CFAP251: variants seen among roughly 807,000 people sequenced by gnomAD.
The protein encoded by CFAP251 is cilia and flagella associated protein 251.
Under a neutral mutation model 126.7 loss-of-function variants are expected in CFAP251, and 93 were observed. The observed-to-expected ratio is 0.73, with a 90% CI of 0.62 to 0.87. The LOEUF (loss-of-function observed/expected upper bound fraction) is 0.87, where lower values mean the gene tolerates loss of function less well. CFAP251 is among the 40% of genes least tolerant of loss of function. The pLI is 0.00. For missense variants in CFAP251, 1,287 were observed against 1,389.2 expected (o/e 0.93, Z 1.17); for synonymous variants, 503 against 506.9 (o/e 0.99, Z 0.10).
chr12:121,966,079 C>G (rs145515405), intron 15 of CFAP251, among the ~76,000 whole-genome samples: 2 of 151,082 alleles, frequency 1.3e-5, no homozygotes, highest in Non-Finnish European at 3.0e-5. Flanking sequence ...TGAGCCACTG[C>G]GTTCTGCCCA....
chr12:121,964,965 G>C (rs2177330), intron 15 of CFAP251, among the ~76,000 whole-genome samples: 8,635 of 152,226 alleles, frequency 0.057, 480 homozygotes, highest in East Asian at 0.22. Context: ...AGTACTCATG[G>C]TGCTGTGCAA....
intron 10 of CFAP251, among the ~76,000 whole-genome samples, chr12:121,954,636 T>TAAAAAAAAAAAAAAAAAAAAA (rs1174239421): frequency 2.4e-5 from 1 of 41,980 alleles, no homozygotes. Context: ...CCTCCTGTCT[T>TAAAAAAAAAAAAAAAAAAAAA]AAAAAAAAAA....
chr12:121,935,610 G>A (rs555659756), intron 5 of CFAP251, among the ~76,000 whole-genome samples: 13 of 152,306 alleles, frequency 8.5e-5, no homozygotes, highest in Admixed American at 8.5e-4. Context: ...CTATTGCACT[G>A]TGTCTGATGG....
At chr12:121,928,669 CGT>C (rs1491461348) in intron 3 of CFAP251, among the ~76,000 whole-genome samples, 2 of 15,760 alleles carry the variant, frequency 1.3e-4, no homozygotes, top group Non-Finnish European at 3.0e-4. Flanking sequence ...TATATATATA[CGT>C]ATATATATAT....
intron 19 of CFAP251, among the ~76,000 whole-genome samples, chr12:121,984,307 A>G (rs1882695527): frequency 6.6e-6 from 1 of 151,918 alleles, no homozygotes; most frequent in South Asian, 2.1e-4. Context: ...TTATTTATTT[A>G]TTTATTTATT....
rs1402280661 is a variant in CFAP251 at position 121,928,702 on chromosome 12, A to T, written c.748-3044A>T. On this transcript the variant is annotated intron_variant, in intron 3 of 21. Transcript: ENST00000288912. Reference sequence around the variant, plus strand: ...TATATATATATACGTATATATATATATATTTTTTTTTTGAGACAGGGTCTT... The same window carrying T: ...TATATATATATACGTATATATATATTTATTTTTTTTTTGAGACAGGGTCTT... 9.4e-3 allele frequency among the ~76,000 whole-genome samples: 513 copies of T among 54,298 alleles called. 15 individuals carry two copies. The highest frequency in any genetic ancestry group is 0.022 in the African/African-American group (460 of 20,790). The allele number at this position is 54,298 out of a possible 152,430, so 35.6% of individuals were successfully genotyped here. A position where few individuals can be genotyped will look rare whatever the true frequency, so the allele number is the denominator to read the frequency against.
chr12:121,940,501 G>A (rs183485121), intron 5 of CFAP251, among the ~76,000 whole-genome samples: 2 of 152,254 alleles, frequency 1.3e-5, no homozygotes, highest in East Asian at 3.9e-4. Flanking sequence ...GCTGAGGCCT[G>A]TTTATCTTCA....
In CFAP251 at chr12:121,934,264, C is replaced by T; in HGVS notation, c.906C>T (p.Ile302=). 6.2e-7 allele frequency: 1 copy of T among 1,613,938 alleles called. No homozygotes were observed. The highest frequency in any genetic ancestry group is 8.5e-7 in the Non-Finnish European group (1 of 1,179,934). Residue 302 remains isoleucine (I), a synonymous_variant, in exon 5 of 22, where the codon ATC becomes ATT. Coordinates refer to ENST00000288912, the MANE Select transcript of CFAP251 (RefSeq NM_144668.6). ...QYHLQGHANI[I]SCLCVSEDRR... ...TTCCATAGGGCCACGCCAATATTAT[C>T]TCCTGCCTCTGCGTCAGTGAAGACA...
intron 19 of CFAP251, 25 bp downstream of exon 19, chr12:121,975,710 G>A: frequency 6.5e-7 from 1 of 1,542,914 alleles, no homozygotes; most frequent in Non-Finnish European, 8.7e-7. Context: ...AACAAGAGCA[G>A]CAACGGGATG....
At chr12:121,967,638 T>C (rs914663580) in intron 16 of CFAP251, among the ~76,000 whole-genome samples, 6 of 151,804 alleles carry the variant, frequency 4.0e-5, no homozygotes, top group Non-Finnish European at 7.4e-5. Context: ...GGAGGCGGAG[T>C]TTGCAGTAAG....
chr12:121,953,874 C>T (rs568918038), intron 9 of CFAP251: 26 of 465,430 alleles, frequency 5.6e-5, no homozygotes, highest in African/African-American at 2.9e-4. Context: ...ACCACTCTCT[C>T]GTTTGCTTTA....
chr12:121,956,130 C>T (rs900149897), intron 10 of CFAP251, among the ~76,000 whole-genome samples: 8 of 152,136 alleles, frequency 5.3e-5, no homozygotes, highest in African/African-American at 1.9e-4. Flanking sequence ...AAATGAAAGC[C>T]ATTTTGTCAC....
At position 121,957,249 on chromosome 12, in the gene CFAP251, G is replaced by A; in HGVS notation, c.1711G>A (p.Gly571Ser). 1 of 1,610,196 alleles carries A rather than the reference G, an allele frequency of 6.2e-7. No individual in the cohort carries two copies. The highest frequency in any genetic ancestry group is 1.1e-5 in the South Asian group (1 of 90,266). ...SNYPPDCTLK[G>S]DLFVLRNFII... ...CTATCCTCCTGACTGCACTTTAAAA[G>A]GTGACCTTTTTGTCTTAAGGTAAGT... The change falls in exon 11 of 22, where the codon GGT (glycine) becomes AGT (serine). Residue 571 changes from glycine (G) to serine (S), a missense_variant. By Grantham distance (56) the Gly-to-Ser change is moderately conservative. Coordinates refer to ENST00000288912, the MANE Select transcript of CFAP251 (RefSeq NM_144668.6).
intron 5 of CFAP251, among the ~76,000 whole-genome samples, chr12:121,938,852 T>A (rs1023560853): frequency 6.6e-6 from 1 of 151,430 alleles, no homozygotes; most frequent in Non-Finnish European, 1.5e-5. Flanking sequence ...TAGTCGGGCA[T>A]AATGGTGCAC....
chr12:121,939,651 T>C (rs1344032171), intron 5 of CFAP251, among the ~76,000 whole-genome samples: 1 of 152,214 alleles, frequency 6.6e-6, no homozygotes, highest in Non-Finnish European at 1.5e-5. Context: ...ATGCAAATGC[T>C]ATGTTAATAT....
intron 7 of CFAP251, 59 bp from the exon 8 acceptor site, chr12:121,948,925 T>G: frequency 1.0e-6 from 1 of 1,003,468 alleles, no homozygotes; most frequent in South Asian, 1.6e-5. Flanking sequence ...ATTTTAACAT[T>G]CAGCTTAACC....
intron 5 of CFAP251, among the ~76,000 whole-genome samples, chr12:121,941,024 T>C (rs1390818954): frequency 1.3e-5 from 2 of 152,168 alleles, no homozygotes; most frequent in African/African-American, 4.8e-5. Flanking sequence ...TTCTATTTTT[T>C]ATTTTTATGT....
Position 121,957,196 on chromosome 12 carries a change from C to A in CFAP251, c.1658C>A (p.Pro553Gln), listed in dbSNP as rs1881755603. 1 of 1,613,914 alleles carries A rather than the reference C, an allele frequency of 6.2e-7. No individual in the cohort carries two copies. ...AGAACTCTGTCCTTTTCAAAGACCC[C>A]AGCAACTCCTCCTACTGAAAAATCA... ...AIRTLSFSKT[P>Q]ATPPTEKSNY... Residue 553 changes from proline to glutamine, a missense_variant, in exon 11 of 22, where the codon CCA becomes CAA. Pro to Gln is a moderately conservative substitution (Grantham distance 76). Coordinates refer to ENST00000288912, the MANE Select transcript of CFAP251 (RefSeq NM_144668.6).
At chr12:121,968,928 G>A (rs1400721778) in intron 17 of CFAP251, 1 of 985,406 alleles carries the variant, frequency 1.0e-6, no homozygotes, top group African/African-American at 1.7e-5. Flanking sequence ...ATAAAGAGGG[G>A]ACAAGCACCC....
Sources: allele counts gnomAD v4.1 joint callset (sites outside exome capture counted in the v4.1 genomes callset), GRCh38; gene constraint gnomAD v4.1.1; transcripts MANE v1.5; gene names NCBI Gene and HGNC (gene_info 2026-07-23, HGNC 2026-07-21).